The following CACNA1E variants were observed in gnomAD, a reference collection of about 807,000 sequenced individuals.
The protein encoded by CACNA1E is voltage-dependent R-type calcium channel subunit alpha-1E.
CACNA1E carries 40 observed loss-of-function variants against 259.2 expected under a neutral mutation model. The observed-to-expected ratio is 0.15, with a 90% confidence interval of 0.12 to 0.20. The LOEUF is 0.20. Ranked by LOEUF, CACNA1E falls within the 10% of genes least tolerant of loss-of-function variation. The pLI is 1.00. For synonymous variants in CACNA1E, 1,104 were observed against 1,138.5 expected, an observed-to-expected ratio of 0.97 and a Z score of 0.61; for missense variants, 1,874 against 3,040.1, an observed-to-expected ratio of 0.62 and a Z score of 9.02.
At chr1:181,573,913 T>C (rs1452989932) in intron 3 of CACNA1E, among the ~76,000 whole-genome samples, 1 of 152,244 alleles carries the variant, frequency 6.6e-6, no homozygotes, top group Admixed American at 6.5e-5. Context: ...AAAGAAGATG[T>C]GGTACATATA....
chr1:181,365,389 C>G (rs1388394332), intron 1 of CACNA1E, among the ~76,000 whole-genome samples: 1 of 152,230 alleles, frequency 6.6e-6, no homozygotes, highest in African/African-American at 2.4e-5. Context: ...CCAGGCTGGT[C>G]TTGAACTTCA....
chr1:181,323,571 C>G (rs1382574010), intron 1 of CACNA1E, among the ~76,000 whole-genome samples: 1 of 152,284 alleles, frequency 6.6e-6, no homozygotes, highest in South Asian at 2.1e-4. Context: ...TTACCCTTTA[C>G]TAGTCATACA....
upstream of CACNA1E, among the ~76,000 whole-genome samples, chr1:181,478,640 A>T (rs201362078): frequency 2.6e-5 from 3 of 114,968 alleles, no homozygotes; most frequent in Non-Finnish European, 4.5e-5. Context: ...TGTAACTGGC[A>T]GGGTGGGGGA....
chr1:181,512,142 G>A (rs950486771), intron 3 of CACNA1E, among the ~76,000 whole-genome samples: 2 of 152,230 alleles, frequency 1.3e-5, no homozygotes, highest in African/African-American at 4.8e-5. Flanking sequence ...AGTACATTTA[G>A]TTAAATATTT....
In CACNA1E at chr1:181,801,291, T is replaced by C. The variant is rs1662257181; in HGVS notation, c.*2457T>C. On this transcript the variant is annotated 3_prime_UTR_variant, in exon 48 of 48. Transcript: ENST00000367573. ...GGAGAAATGCAGGCTGGCAGAGCAA[T>C]TTCCAGAAATGGAATTTGCCTGCAA... is the stretch of plus-strand genomic sequence containing the variant. 6.6e-6 allele frequency: 1 copy of C among 152,608 alleles called. No homozygotes were observed. Among genetic ancestry groups the C allele is most frequent in the South Asian group, 2.1e-4 (1 of 4,824 alleles). 9.5% of individuals were successfully genotyped at this position (152,608 alleles called of 1,614,324 possible). A position where few individuals can be genotyped will look rare whatever the true frequency, so the allele number is the denominator to read the frequency against.
intron 7 of CACNA1E, among the ~76,000 whole-genome samples, chr1:181,668,206 T>A (rs1226682711): frequency 6.6e-6 from 1 of 152,248 alleles, no homozygotes; most frequent in African/African-American, 2.4e-5. Flanking sequence ...TCTAATTTTG[T>A]CATTTCAAGA....
intron 30 of CACNA1E, 53 bp from the exon 31 acceptor site, chr1:181,757,894 A>C (rs12564606): frequency 6.3e-7 from 1 of 1,584,922 alleles, no homozygotes; most frequent in Non-Finnish European, 8.6e-7. Context: ...AGAGCCTGCC[A>C]TGGTAGATCT....
chr1:181,343,528 C>A (rs1299137201), intron 1 of CACNA1E, among the ~76,000 whole-genome samples: 1 of 152,108 alleles, frequency 6.6e-6, no homozygotes, highest in Non-Finnish European at 1.5e-5. Flanking sequence ...GAAGCCCTCA[C>A]CAGAAGCAGA....
At chr1:181,638,014 A>C (rs1052738100) in intron 6 of CACNA1E, among the ~76,000 whole-genome samples, 5 of 152,176 alleles carry the variant, frequency 3.3e-5, no homozygotes, top group African/African-American at 1.2e-4. Context: ...AGGTTGGGTC[A>C]GTCATGGTAG....
In CACNA1E at chr1:181,790,491, G is replaced by A. The variant is rs1661205452; in HGVS notation, c.5833G>A (p.Asp1945Asn). 1 of 1,613,508 alleles carries A rather than the reference G, an allele frequency of 6.2e-7. No homozygotes were observed. Among genetic ancestry groups the A allele is most frequent in the Admixed American group, 1.7e-5 (1 of 59,980 alleles). Residue 1945 changes from aspartate to asparagine, a missense_variant, in exon 44 of 48, where the codon GAT (aspartate) becomes AAT (asparagine). Transcript: ENST00000367573. ...YPSMSPLSPQ[D>N]IFQLACMDPA... ...TTCGATGAGTCCACTCTCTCCCCAGGATATATTCCAGTTGGCTTGTATGGA... is the reference window on the plus strand; with the variant it reads ...TTCGATGAGTCCACTCTCTCCCCAGAATATATTCCAGTTGGCTTGTATGGA...
intron 2 of CACNA1E, among the ~76,000 whole-genome samples, chr1:181,419,108 T>TCACAC (rs1433359187): frequency 6.6e-6 from 1 of 152,312 alleles, no homozygotes; most frequent in East Asian, 1.9e-4. Context: ...CTTTTTTGAT[T>TCACAC]CACAAAGGAT....
chr1:181,720,473 G>C, intron 14 of CACNA1E, 136 bp downstream of exon 14: 1 of 897,094 alleles, frequency 1.1e-6, no homozygotes, highest in Non-Finnish European at 1.7e-6. Context: ...ACCACTGAGT[G>C]AGTTCATATG....
chr1:181,326,840 C>T (rs181111379), intron 1 of CACNA1E, among the ~76,000 whole-genome samples: 4 of 152,202 alleles, frequency 2.6e-5, no homozygotes, highest in Admixed American at 6.5e-5. Context: ...TACCGCCCTC[C>T]GTCCTGTTGC....
At chr1:181,613,259 T>A (rs1558185272) in intron 6 of CACNA1E, among the ~76,000 whole-genome samples, 1 of 152,186 alleles carries the variant, frequency 6.6e-6, no homozygotes, top group South Asian at 2.1e-4. Flanking sequence ...TTAAAAAACA[T>A]GAGGGCTAGG....
intron 1 of CACNA1E, among the ~76,000 whole-genome samples, 183 bp downstream of exon 1, chr1:181,484,193 G>A (rs985323927): frequency 1.3e-5 from 2 of 152,118 alleles, no homozygotes; most frequent in African/African-American, 4.8e-5. Context: ...TTGGGCACTA[G>A]TGTTTTTCAA....
At chr1:181,693,150 A>C (rs1025922777) in intron 7 of CACNA1E, among the ~76,000 whole-genome samples, 1 of 108,456 alleles carries the variant, frequency 9.2e-6, no homozygotes, top group Non-Finnish European at 2.0e-5. Flanking sequence ...AAAAAAAAAA[A>C]CAACAGATGC....
In CACNA1E at chr1:181,733,701, C is replaced by T. The variant is rs761205943; in HGVS notation, c.3213C>T (p.Thr1071=). The change falls in exon 21 of 48, where the codon ACC becomes ACT. Residue 1071 remains threonine (T), a synonymous_variant. Transcript: ENST00000367573. ...CCACCACCGAGAGCACCAGCGTCAC[C>T]GTCGCCATCCCCGACGTGGACCCCT... ...DKATTESTSV[T]VAIPDVDPLV... The T allele has an allele frequency of 1.3e-5, 21 of 1,594,936 alleles. No individual in the cohort carries two copies. The highest frequency in any genetic ancestry group is 8.7e-5 in the Admixed American group (5 of 57,240).
chr1:181,329,511 G>A (rs1423094090), intron 1 of CACNA1E, among the ~76,000 whole-genome samples: 2 of 152,086 alleles, frequency 1.3e-5, no homozygotes. Context: ...AGCTACTCTG[G>A]TCTCTTTTAA....
chr1:181,784,349 G>A (rs972840028), intron 40 of CACNA1E, among the ~76,000 whole-genome samples: 3 of 152,238 alleles, frequency 2.0e-5, no homozygotes, highest in East Asian at 1.9e-4. Flanking sequence ...ACGTACTTGC[G>A]GCTATTGTTA....
Sources: gnomAD v4.1 joint callset for allele counts (sites outside exome capture counted in the v4.1 genomes callset) on GRCh38, gnomAD v4.1.1 for gene constraint, MANE v1.5 for transcripts, NCBI Gene and HGNC (gene_info 2026-07-23, HGNC 2026-07-21) for gene names.